Variants in ATP8A1 observed in about 807,000 individuals in gnomAD.
The protein encoded by ATP8A1 is ATPase phospholipid transporting 8A1, also known as phospholipid-transporting ATPase IA.
In ATP8A1, 90 loss-of-function variants were observed where a neutral mutation model predicts 177.7. The observed-to-expected ratio is 0.51, with a 90% confidence interval of 0.43 to 0.60. The LOEUF is 0.60. Ranked by LOEUF, ATP8A1 falls within the 20% of genes least tolerant of loss-of-function variation. ATP8A1 has a pLI of 0.00. For synonymous variants in ATP8A1, 493 were observed against 485.9 expected, an observed-to-expected ratio of 1.01 and a Z score of -0.19; for missense variants, 1,072 against 1,392.8, an observed-to-expected ratio of 0.77 and a Z score of 3.67.
intron 24 of ATP8A1, among the ~76,000 whole-genome samples, chr4:42,494,247 T>C (rs1397653827): frequency 4.0e-5 from 5 of 123,842 alleles, no homozygotes; most frequent in Non-Finnish European, 6.7e-5. Context: ...CCGAGGCGGG[T>C]GGATCACCTG....
At chr4:42,641,007 C>T (rs1361486369) in intron 1 of ATP8A1, among the ~76,000 whole-genome samples, 2 of 100,498 alleles carry the variant, frequency 2.0e-5, no homozygotes, top group African/African-American at 9.4e-5. Flanking sequence ...TTCCCCCTCA[C>T]CAGAAAAAAA....
intron 25 of ATP8A1, chr4:42,472,139 A>G (rs1489533607): frequency 1.5e-6 from 1 of 650,614 alleles, no homozygotes; most frequent in African/African-American, 1.8e-5. Context: ...AAAGCCATAC[A>G]AAAAATAAGC....
intron 15 of ATP8A1, among the ~76,000 whole-genome samples, chr4:42,564,262 C>G (rs943628138): frequency 3.3e-5 from 5 of 152,170 alleles, no homozygotes; most frequent in African/African-American, 1.2e-4. Context: ...GAGCCCCCCC[C>G]AACAGAGTCC....
intron 1 of ATP8A1, 147 bp from the exon 2 acceptor site, chr4:42,627,256 C>G: frequency 1.7e-6 from 1 of 603,070 alleles, no homozygotes; most frequent in East Asian, 2.9e-5. Context: ...AAGTAACATC[C>G]CCATATTTAA....
chr4:42,485,698 C>G (rs1722127401), intron 24 of ATP8A1, 30 bp from the exon 25 acceptor site: 1 of 1,588,380 alleles, frequency 6.3e-7, no homozygotes, highest in African/African-American at 1.3e-5. Context: ...AAAATGCCAT[C>G]AACATTTACT....
At chr4:42,527,820 T>C (rs1161993271) in intron 20 of ATP8A1, among the ~76,000 whole-genome samples, 2 of 152,142 alleles carry the variant, frequency 1.3e-5, no homozygotes, top group East Asian at 3.9e-4. Context: ...ATTTCCAAAC[T>C]TGAGCCAGTT....
chr4:42,611,402 C>T (rs1736357322), intron 5 of ATP8A1, among the ~76,000 whole-genome samples: 1 of 152,128 alleles, frequency 6.6e-6, no homozygotes, highest in African/African-American at 2.4e-5. Flanking sequence ...CGATATTAAA[C>T]AATTTAGCCT....
In ATP8A1 at chr4:42,422,872, C is replaced by T. The variant is rs746829624; in HGVS notation, c.3240G>A (p.Leu1080=). 1.6e-5 allele frequency: 26 copies of T among 1,611,572 alleles called. No homozygotes were observed. The East Asian group carries it at 5.8e-4, about 36-fold the overall frequency. The change falls in exon 35 of 37, where the codon TTG becomes TTA. Residue 1080 remains leucine (L), a synonymous_variant. Transcript: ENST00000381668. ...CCTCCAGCTCCTGAACTTCATCGAC[C>T]AATGTTTTAAAAGCAGTCCTCTTGA... ...KVIKRTAFKT[L]VDEVQELEAK...
chr4:42,656,946 C>A lies in ATP8A1; in HGVS notation c.-73G>T. On this transcript the variant is annotated 5_prime_UTR_variant, in exon 1 of 37. Coordinates refer to ENST00000381668, the MANE Select transcript of ATP8A1 (RefSeq NM_006095.2). ...CACGGCGTGGTACACGCGGGAGACC[C>A]GGCTGCGCCGCGCAGAGCGCTCAGC... The A allele has an allele frequency of 7.2e-7, 1 of 1,385,924 alleles. No homozygotes were observed. The highest frequency in any genetic ancestry group is 9.5e-7 in the Non-Finnish European group (1 of 1,048,488). The allele number at this position is 1,385,924 out of a possible 1,614,324, so 85.9% of individuals were successfully genotyped here.
At chr4:42,535,470 G>C (rs4513602) in intron 20 of ATP8A1, among the ~76,000 whole-genome samples, 20,182 of 152,040 alleles carry the variant, frequency 0.13, 1,687 homozygotes, top group East Asian at 0.26. Flanking sequence ...AAAACAATTA[G>C]TACTAGACTT....
chr4:42,555,151 TATCTATC>T lies in ATP8A1; in HGVS notation c.1413+810_1413+816del, dbSNP rs1560454916. Among the ~76,000 whole-genome samples, 50 of 100,264 alleles carry T rather than the reference TATCTATC, an allele frequency of 5.0e-4. 1 individual carries two copies. The highest frequency in any genetic ancestry group is 9.4e-4 in the South Asian group (3 of 3,198). 65.8% of individuals were successfully genotyped at this position (100,264 alleles called of 152,430 possible). On this transcript the variant is annotated intron_variant, in intron 16 of 36. Coordinates refer to ENST00000381668, the MANE Select transcript of ATP8A1 (RefSeq NM_006095.2). ...TATCTATCTATCTAATCTATCTATC[TATCTATC>T]TATCTATCTATCTATCTATCTATCT...
intron 2 of ATP8A1, chr4:42,625,919 T>A (rs1273649806): frequency 2.7e-6 from 1 of 367,524 alleles, no homozygotes; most frequent in Admixed American, 4.8e-5. Context: ...CCACAGATTT[T>A]TTTTTTTTTG....
intron 24 of ATP8A1, among the ~76,000 whole-genome samples, chr4:42,500,720 A>G (rs1723776303): frequency 2.0e-5 from 3 of 152,220 alleles, no homozygotes; most frequent in Admixed American, 1.3e-4. Context: ...AAAGGAGTCA[A>G]GAATGAACCA....
chr4:42,592,190 C>A (rs1734249700), intron 6 of ATP8A1, among the ~76,000 whole-genome samples: 1 of 152,126 alleles, frequency 6.6e-6, no homozygotes, highest in African/African-American at 2.4e-5. Flanking sequence ...AGCAATGAAT[C>A]AGATAATCTT....
chr4:42,414,135 T>C (rs999022701), intron 36 of ATP8A1, among the ~76,000 whole-genome samples: 2 of 152,264 alleles, frequency 1.3e-5, no homozygotes, highest in African/African-American at 4.8e-5. Flanking sequence ...ACAAATACAT[T>C]TACTACAGGG....
rs113921348 is a variant in ATP8A1 at position 42,597,506 on chromosome 4, T to C, written c.450+2972A>G. ...TGCTTTAAGCTCACTGCTTGGCATA[T>C]GCACTCAATAAACACTTGTCGAATG... is the stretch of plus-strand genomic sequence containing the variant. On this transcript the variant is annotated intron_variant, in intron 6 of 36. Transcript: ENST00000381668. Among the ~76,000 whole-genome samples the C allele has an allele frequency of 1.4e-3, 209 of 152,330 alleles. 2 individuals are homozygous for C. Among genetic ancestry groups the C allele is most frequent in the Admixed American group, 6.5e-3 (100 of 15,304 alleles).
intron 6 of ATP8A1, among the ~76,000 whole-genome samples, chr4:42,599,085 A>T (rs190104273): frequency 6.6e-6 from 1 of 152,330 alleles, no homozygotes; most frequent in African/African-American, 2.4e-5. Context: ...GTAGGTTAGC[A>T]CAATCTTGAA....
chr4:42,594,131 C>A (rs1403012235), intron 6 of ATP8A1, among the ~76,000 whole-genome samples: 2 of 151,822 alleles, frequency 1.3e-5, no homozygotes, highest in Non-Finnish European at 2.9e-5. Flanking sequence ...ATGAAAAAGC[C>A]CTTTAAGTCC....
Position 42,650,426 on chromosome 4 carries a change from C to T in ATP8A1, c.49+6399G>A, listed in dbSNP as rs1304561340. The stretch of plus-strand genomic sequence containing the variant: ...CTTCATCGACCACAGCCTTTTGTCC[C>T]ACCACCCATTTAGCTGGCACACAGC... On this transcript the variant is annotated intron_variant, in intron 1 of 36. Transcript: ENST00000381668. Among the ~76,000 whole-genome samples, 4 of 152,290 alleles carry T rather than the reference C, an allele frequency of 2.6e-5. No homozygotes were observed. In the East Asian group the frequency reaches 5.8e-4, roughly 22 times the overall value.
Sources: gnomAD v4.1 joint callset for allele counts (sites outside exome capture counted in the v4.1 genomes callset) on GRCh38, gnomAD v4.1.1 for gene constraint, MANE v1.5 for transcripts, NCBI Gene and HGNC (gene_info 2026-07-23, HGNC 2026-07-21) for gene names.